The following ARHGAP26 variants were observed in gnomAD, a reference collection of about 807,000 sequenced individuals.
The protein encoded by ARHGAP26 is rho GTPase-activating protein 26.
Under a neutral mutation model 104.8 loss-of-function variants are expected in ARHGAP26, and 38 were observed. The ratio of observed to expected loss-of-function variants is 0.36; its 90% CI spans 0.28 to 0.48. ARHGAP26 has a LOEUF of 0.48. Among genes scored for constraint, ARHGAP26 ranks in the 20% least tolerant of loss-of-function variants. The pLI, the probability that ARHGAP26 is intolerant of heterozygous loss-of-function variation, is 0.99. For missense variants in ARHGAP26, 704 were observed against 947.9 expected, an observed-to-expected ratio of 0.74 and a Z score of 3.38; for synonymous variants, 341 against 340.0, an observed-to-expected ratio of 1.00 and a Z score of -0.03.
chr5:142,912,731 G>A (rs796200946), intron 9 of ARHGAP26, among the ~76,000 whole-genome samples: 6 of 152,234 alleles, frequency 3.9e-5, no homozygotes, highest in African/African-American at 7.2e-5. Flanking sequence ...ATATCAATGC[G>A]CAGTTTCAGC....
In ARHGAP26 at chr5:143,223,745, G is replaced by A; in HGVS notation, c.*1299G>A. On this transcript the variant is annotated 3_prime_UTR_variant, in exon 23 of 23. Coordinates refer to ENST00000645722, the MANE Select transcript of ARHGAP26 (RefSeq NM_001135608.3). ...CTTTCAAGGCTTGAGACTAATATAG[G>A]CCATTGTGATTCAGGAAGAAACCCA... is the stretch of plus-strand genomic sequence containing the variant. 1 of 231,970 alleles carries A rather than the reference G, an allele frequency of 4.3e-6. No individual in the cohort carries two copies. The highest frequency in any genetic ancestry group is 6.1e-5 in the East Asian group (1 of 16,354). The allele number at this position is 231,970 out of a possible 1,614,324, so 14.4% of individuals were successfully genotyped here.
chr5:142,978,365 G>T (rs1441127058), intron 11 of ARHGAP26, among the ~76,000 whole-genome samples: 1 of 152,206 alleles, frequency 6.6e-6, no homozygotes, highest in African/African-American at 2.4e-5. Flanking sequence ...TCTTTGGAGT[G>T]AGGGGCTCTG....
intron 1 of ARHGAP26, among the ~76,000 whole-genome samples, chr5:142,855,247 G>C (rs1355245729): frequency 1.3e-5 from 2 of 152,170 alleles, no homozygotes; most frequent in Non-Finnish European, 2.9e-5. Context: ...TGGGAAGACA[G>C]AGAGCATATT....
chr5:143,211,462 A>G (rs258818), intron 21 of ARHGAP26, among the ~76,000 whole-genome samples: 45,087 of 151,952 alleles, frequency 0.3, 6,847 homozygotes, highest in East Asian at 0.4. Context: ...CCTATCCTAA[A>G]GCAGTAGAGG....
rs1425520045 is a variant in ARHGAP26 at position 143,223,121 on chromosome 5, C to G, written c.*675C>G. ...TCTCCCTCCCAGGCTAGGAACCTCT[C>G]TGCCACCAAGGGCTGCCATCCATCG... On this transcript the variant is annotated 3_prime_UTR_variant, in exon 23 of 23. Coordinates refer to ENST00000645722, the MANE Select transcript of ARHGAP26 (RefSeq NM_001135608.3). The G allele has an allele frequency of 4.3e-6, 1 of 233,590 alleles. No homozygotes were observed. Among genetic ancestry groups the G allele is most frequent in the African/African-American group, 2.2e-5 (1 of 45,356 alleles). The allele number at this position is 233,590 out of a possible 1,614,324, so 14.5% of individuals were successfully genotyped here.
intron 1 of ARHGAP26, among the ~76,000 whole-genome samples, chr5:142,840,876 T>C (rs1281125331): frequency 6.6e-6 from 1 of 152,186 alleles, no homozygotes; most frequent in Non-Finnish European, 1.5e-5. Context: ...AAAGGTTCAG[T>C]AGCGGTAATG....
At chr5:143,072,268 A>C (rs1788377690) in intron 17 of ARHGAP26, among the ~76,000 whole-genome samples, 1 of 152,156 alleles carries the variant, frequency 6.6e-6, no homozygotes, top group African/African-American at 2.4e-5. Context: ...TGCTGGAGAG[A>C]ATGGGGAGAA....
intron 2 of ARHGAP26, among the ~76,000 whole-genome samples, chr5:142,874,512 C>T (rs772909676): frequency 2.6e-5 from 4 of 152,194 alleles, no homozygotes; most frequent in South Asian, 2.1e-4. Flanking sequence ...TCAAGGGTCT[C>T]GAGTATCCTC....
intron 19 of ARHGAP26, among the ~76,000 whole-genome samples, chr5:143,144,398 TTTATTA>T (rs3836771): frequency 1.3e-5 from 2 of 151,974 alleles, no homozygotes; most frequent in Non-Finnish European, 1.5e-5. Flanking sequence ...TCATTTTTTC[TTTATTA>T]TTATTATTAT....
chr5:143,133,385 C>T (rs986432940), intron 18 of ARHGAP26, among the ~76,000 whole-genome samples: 24 of 152,010 alleles, frequency 1.6e-4, no homozygotes, highest in East Asian at 3.9e-4. Flanking sequence ...TCAAGATAAA[C>T]GAGGAAAAGC....
intron 1 of ARHGAP26, among the ~76,000 whole-genome samples, chr5:142,838,672 A>G (rs1770105909): frequency 6.6e-6 from 1 of 152,172 alleles, no homozygotes; most frequent in Non-Finnish European, 1.5e-5. Flanking sequence ...TGGGGCTTAT[A>G]TATTATTGTT....
rs71576162 is a variant in ARHGAP26 at position 143,082,009 on chromosome 5, C to CAAA, written c.1538+24285_1538+24287dup. ...TGGGTAACAGAGGGAGACTCCATCT[C>CAAA]AAAAAAAAAAAAAAAAAAAAAAAAA... is the stretch of plus-strand genomic sequence containing the variant. On this transcript the variant is annotated intron_variant, in intron 17 of 22. Coordinates refer to ENST00000645722, the MANE Select transcript of ARHGAP26 (RefSeq NM_001135608.3). 3.2e-3 allele frequency among the ~76,000 whole-genome samples: 122 copies of CAAA among 38,256 alleles called. 5 individuals carry two copies. The highest frequency in any genetic ancestry group is 0.011 in the African/African-American group (116 of 10,782). The allele number at this position is 38,256 out of a possible 152,430, so 25.1% of individuals were successfully genotyped here.
At chr5:143,079,097 C>A (rs1789447811) in intron 17 of ARHGAP26, among the ~76,000 whole-genome samples, 2 of 152,194 alleles carry the variant, frequency 1.3e-5, no homozygotes, top group African/African-American at 4.8e-5. Context: ...AACTAGTCTG[C>A]AGAAGGCCTG....
intron 17 of ARHGAP26, among the ~76,000 whole-genome samples, chr5:143,099,265 CCAGAAAGTAAGGACCTAAG>C (rs1289471889): frequency 1.3e-5 from 2 of 152,050 alleles, no homozygotes; most frequent in Non-Finnish European, 2.9e-5. Flanking sequence ...AATTATATTC[CCAGAAAGTAAGGACCTAAG>C]CTGACAACAT....
intron 12 of ARHGAP26, among the ~76,000 whole-genome samples, chr5:143,036,860 TAGC>T (rs1782721030): frequency 6.6e-6 from 1 of 152,228 alleles, no homozygotes; most frequent in Non-Finnish European, 1.5e-5. Flanking sequence ...CTTCTGTTAA[TAGC>T]AGAGCAATGT....
chr5:142,956,792 G>T (rs1769319892), intron 11 of ARHGAP26, among the ~76,000 whole-genome samples: 1 of 152,142 alleles, frequency 6.6e-6, no homozygotes, highest in Non-Finnish European at 1.5e-5. Flanking sequence ...TCACAATTAT[G>T]GCGGAGGGTG....
intron 17 of ARHGAP26, among the ~76,000 whole-genome samples, chr5:143,073,398 C>G (rs78358791): frequency 0.021 from 3,256 of 152,262 alleles, 97 homozygotes; most frequent in African/African-American, 0.072. Flanking sequence ...TCTGATTAAG[C>G]TGGCTCAGAC....
At chr5:143,111,190 C>T (rs149755502) in intron 17 of ARHGAP26, among the ~76,000 whole-genome samples, 64 of 152,218 alleles carry the variant, frequency 4.2e-4, no homozygotes, top group African/African-American at 1.4e-3. Context: ...TTCAAATTAT[C>T]CTTGTAAAAA....
At chr5:142,961,531 A>G (rs1770245805) in intron 11 of ARHGAP26, among the ~76,000 whole-genome samples, 1 of 152,128 alleles carries the variant, frequency 6.6e-6, no homozygotes, top group Non-Finnish European at 1.5e-5. Context: ...TAAATGTCCC[A>G]TTGTCACTAA....
Sources: allele counts gnomAD v4.1 joint callset (sites outside exome capture counted in the v4.1 genomes callset), GRCh38; gene constraint gnomAD v4.1.1; transcripts MANE v1.5; gene names NCBI Gene and HGNC (gene_info 2026-07-23, HGNC 2026-07-21).